The following NSL1 variants were observed in gnomAD, a reference collection of about 807,000 sequenced individuals.
The protein encoded by NSL1 is kinetochore-associated protein NSL1 homolog.
A neutral mutation model predicts 25.4 loss-of-function variants in NSL1; 11 were observed. The observed-to-expected ratio is 0.43, with a 90% CI of 0.27 to 0.72. The LOEUF (loss-of-function observed/expected upper bound fraction) is 0.72, where lower values mean the gene tolerates loss of function less well. Ranked by LOEUF, NSL1 falls within the 30% of genes least tolerant of loss-of-function variation. The pLI is 0.19. For missense variants in NSL1, 330 were observed against 342.7 expected (o/e 0.96, Z 0.29); for synonymous variants, 118 against 120.6 (o/e 0.98, Z 0.14).
At chr1:212,748,994 G>A (rs186743245) in intron 4 of NSL1, among the ~76,000 whole-genome samples, 149 of 151,858 alleles carry the variant, frequency 9.8e-4, no homozygotes, top group African/African-American at 3.5e-3. Flanking sequence ...AAACATAATA[G>A]GCACAGTATT....
intron 4 of NSL1, among the ~76,000 whole-genome samples, chr1:212,774,271 A>G (rs1244937352): frequency 6.6e-6 from 1 of 152,252 alleles, no homozygotes; most frequent in Non-Finnish European, 1.5e-5. Context: ...CAAAGAAACA[A>G]TAAATATTTA....
At chr1:212,774,981 T>C (rs1660290478) in intron 4 of NSL1, among the ~76,000 whole-genome samples, 1 of 151,838 alleles carries the variant, frequency 6.6e-6, no homozygotes, top group South Asian at 2.1e-4. Flanking sequence ...GAAAAGTTTT[T>C]TTAAAAAGTC....
At position 212,729,003 on chromosome 1, in the gene NSL1, A is replaced by G. The variant is rs1362071271; in HGVS notation, c.*9405T>C. 1.0e-6 allele frequency: 1 copy of G among 985,286 alleles called. No individual in the cohort carries two copies. Among genetic ancestry groups the G allele is most frequent in the East Asian group, 1.1e-4 (1 of 8,832 alleles). The allele number at this position is 985,286 out of a possible 1,614,324, so 61.0% of individuals were successfully genotyped here. A position where few individuals can be genotyped will look rare whatever the true frequency, so the allele number is the denominator to read the frequency against. On this transcript the variant is annotated 3_prime_UTR_variant, in exon 6 of 6. Transcript: ENST00000366977. ...ATTTTAGTAAGGAGGATTTCTAAAG[A>G]AGCAGTCATTTGTCAATCTGAAATT...
chr1:212,766,702 A>G lies in NSL1; in HGVS notation c.499+15670T>C, dbSNP rs191800339. ...CTGAAGACTCATCCAAAAAGCTCCT[A>G]GATTGGATAAATAAATTTGGTAAAG... On this transcript the variant is annotated intron_variant, in intron 4 of 5. Transcript: ENST00000366977. 3.5e-3 allele frequency among the ~76,000 whole-genome samples: 539 copies of G among 152,214 alleles called. 3 individuals are homozygous for G. Among genetic ancestry groups the G allele is most frequent in the Non-Finnish European group, 5.6e-3 (378 of 68,010 alleles).
chr1:212,763,106 A>G (rs7543603), intron 4 of NSL1, among the ~76,000 whole-genome samples: 95,753 of 152,028 alleles, frequency 0.63, 30,676 homozygotes, highest in Non-Finnish European at 0.69. Flanking sequence ...TAAATCCAGT[A>G]AGCGAAGCAC....
chr1:212,738,250 T>C lies in NSL1; in HGVS notation c.*158A>G, dbSNP rs894554788. On this transcript the variant is annotated 3_prime_UTR_variant, in exon 6 of 6. Coordinates refer to ENST00000366977, the MANE Select transcript of NSL1 (RefSeq NM_015471.4). ...AAAACAGTAAGGAAATACAATATTA[T>C]ATCATATCCCCGCACAGAGATACTA... The C allele has an allele frequency of 1.6e-5, 22 of 1,396,624 alleles. No homozygotes were observed. The African/African-American group carries it at 2.6e-4, about 17-fold the overall frequency. 86.5% of individuals were successfully genotyped at this position (1,396,624 alleles called of 1,614,324 possible). A position where few individuals can be genotyped will look rare whatever the true frequency, so the allele number is the denominator to read the frequency against.
Position 212,729,558 on chromosome 1 carries a change from T to C in NSL1, c.*8850A>G, listed in dbSNP as rs538834122. 1.0e-6 allele frequency: 1 copy of C among 985,404 alleles called. No individual in the cohort carries two copies. The highest frequency in any genetic ancestry group is 4.7e-5 in the South Asian group (1 of 21,280). The allele number at this position is 985,404 out of a possible 1,614,324, so 61.0% of individuals were successfully genotyped here. Reference sequence around the variant, plus strand: ...ACAACTTTGCCCATTTTTATTATTCTGCCAGTGTCATCCCCTCATTTCTAC... The same window carrying C: ...ACAACTTTGCCCATTTTTATTATTCCGCCAGTGTCATCCCCTCATTTCTAC... On this transcript the variant is annotated 3_prime_UTR_variant, in exon 6 of 6. Coordinates refer to ENST00000366977, the MANE Select transcript of NSL1 (RefSeq NM_015471.4).
chr1:212,763,249 A>C (rs1255422673), intron 4 of NSL1, among the ~76,000 whole-genome samples: 3 of 152,224 alleles, frequency 2.0e-5, no homozygotes, highest in Non-Finnish European at 4.4e-5. Flanking sequence ...ACATTATCCC[A>C]GGAGCCTGAG....
chr1:212,747,088 T>C (rs907449976), intron 4 of NSL1, among the ~76,000 whole-genome samples: 3 of 148,690 alleles, frequency 2.0e-5, no homozygotes, highest in Non-Finnish European at 4.4e-5. Flanking sequence ...GAGGTTGCAG[T>C]GAGCTGAGAT....
Position 212,784,278 on chromosome 1 carries a change from C to T in NSL1, c.444+85G>A, listed in dbSNP as rs1000992558. 2.3e-5 allele frequency: 20 copies of T among 872,664 alleles called. No individual in the cohort carries two copies. The African/African-American group carries it at 2.5e-4, about 11-fold the overall frequency. 54.1% of individuals were successfully genotyped at this position (872,664 alleles called of 1,614,324 possible). A position where few individuals can be genotyped will look rare whatever the true frequency, so the allele number is the denominator to read the frequency against. On this transcript the variant is annotated intron_variant, in intron 3 of 5. Coordinates refer to ENST00000366977, the MANE Select transcript of NSL1 (RefSeq NM_015471.4). ...AGGAAAGAAAAAGACAACAAAATGT[C>T]ACTTATCTCCACGTAGAGCCTTATA... is the stretch of plus-strand genomic sequence containing the variant.
chr1:212,743,523 C>T (rs1658605629), intron 4 of NSL1, among the ~76,000 whole-genome samples: 1 of 151,624 alleles, frequency 6.6e-6, no homozygotes, highest in South Asian at 2.1e-4. Context: ...TAACAGGTTC[C>T]ATGTATACTC....
intron 4 of NSL1, among the ~76,000 whole-genome samples, chr1:212,745,965 C>CAAAAACAA (rs1290134675): frequency 6.6e-6 from 1 of 151,854 alleles, no homozygotes; most frequent in Non-Finnish European, 1.5e-5. Context: ...GACCCCATCT[C>CAAAAACAA]AAAAACAAAC....
At chr1:212,757,596 C>T (rs1375598096) in intron 4 of NSL1, among the ~76,000 whole-genome samples, 2 of 152,080 alleles carry the variant, frequency 1.3e-5, no homozygotes, top group African/African-American at 4.8e-5. Flanking sequence ...ACATCCATGG[C>T]AAGAGATGGA....
rs1658285111 is a variant in NSL1 at position 212,737,617 on chromosome 1, G to A, written c.*791C>T. 1.1e-6 allele frequency: 1 copy of A among 942,194 alleles called. No homozygotes were observed. Among genetic ancestry groups the A allele is most frequent in the African/African-American group, 1.8e-5 (1 of 56,296 alleles). 58.4% of individuals were successfully genotyped at this position (942,194 alleles called of 1,614,324 possible). On this transcript the variant is annotated 3_prime_UTR_variant, in exon 6 of 6. Coordinates refer to ENST00000366977, the MANE Select transcript of NSL1 (RefSeq NM_015471.4). ...TAGTTCAATAACACAATGACACTTT[G>A]CCAGTGTATTAATCTGATATATATT...
chr1:212,729,202 T>C lies in NSL1; in HGVS notation c.*9206A>G. ...CCACAGAAGTTTCCAAACCCATGAG[T>C]TTCACTCTCAGGTTCCCTCTAGGAG... On this transcript the variant is annotated 3_prime_UTR_variant, in exon 6 of 6. Coordinates refer to ENST00000366977, the MANE Select transcript of NSL1 (RefSeq NM_015471.4). 1.0e-6 allele frequency: 1 copy of C among 985,390 alleles called. No individual in the cohort carries two copies. Among genetic ancestry groups the C allele is most frequent in the Non-Finnish European group, 1.2e-6 (1 of 829,916 alleles). The allele number at this position is 985,390 out of a possible 1,614,324, so 61.0% of individuals were successfully genotyped here. A position where few individuals can be genotyped will look rare whatever the true frequency, so the allele number is the denominator to read the frequency against.
Position 212,737,923 on chromosome 1 carries a change from A to G in NSL1, c.*485T>C. On this transcript the variant is annotated 3_prime_UTR_variant, in exon 6 of 6. Coordinates refer to ENST00000366977, the MANE Select transcript of NSL1 (RefSeq NM_015471.4). ...TATCATCAGCACATTAATTTGATAA[A>G]TCAAACTACATCTTTAAAAAAAAAC... 1 of 985,734 alleles carries G rather than the reference A, an allele frequency of 1.0e-6. No homozygotes were observed. The highest frequency in any genetic ancestry group is 1.2e-6 in the Non-Finnish European group (1 of 830,156). The allele number at this position is 985,734 out of a possible 1,614,324, so 61.1% of individuals were successfully genotyped here. A position where few individuals can be genotyped will look rare whatever the true frequency, so the allele number is the denominator to read the frequency against.
rs921183467 is a variant in NSL1, at chr1:212,730,892, T to C, written c.*7516A>G. ...ATATAAATGCCACAAGCCATTAATGTGTGAGATTGTGATCCAGGGAAACCG... is the reference window on the plus strand; with the variant it reads ...ATATAAATGCCACAAGCCATTAATGCGTGAGATTGTGATCCAGGGAAACCG... On this transcript the variant is annotated 3_prime_UTR_variant, in exon 6 of 6. Coordinates refer to ENST00000366977, the MANE Select transcript of NSL1 (RefSeq NM_015471.4). 123 of 985,246 alleles carry C rather than the reference T, an allele frequency of 1.2e-4. No individual in the cohort carries two copies. Among genetic ancestry groups the C allele is most frequent in the Non-Finnish European group, 1.4e-4 (114 of 829,922 alleles). 61.0% of individuals were successfully genotyped at this position (985,246 alleles called of 1,614,324 possible). A position where few individuals can be genotyped will look rare whatever the true frequency, so the allele number is the denominator to read the frequency against.
At chr1:212,782,565 G>T in intron 3 of NSL1, 139 bp from the exon 4 acceptor site, 1 of 663,138 alleles carries the variant, frequency 1.5e-6, no homozygotes, top group Non-Finnish European at 2.6e-6. Context: ...TGTCTGTAGG[G>T]AAGAGGAGGT....
intron 4 of NSL1, 156 bp downstream of exon 4, chr1:212,782,216 T>C (rs1660761669): frequency 1.4e-6 from 1 of 696,264 alleles, no homozygotes; most frequent in Non-Finnish European, 2.6e-6. Flanking sequence ...CTAGTCCTCT[T>C]AATTCTAGAT....
Sources: gnomAD v4.1 joint callset for allele counts (sites outside exome capture counted in the v4.1 genomes callset) on GRCh38, gnomAD v4.1.1 for gene constraint, MANE v1.5 for transcripts, NCBI Gene and HGNC (gene_info 2026-07-23, HGNC 2026-07-21) for gene names.